Variants in TTC28 observed in about 807,000 individuals in gnomAD.
TTC28 encodes the protein tetratricopeptide repeat domain 28.
In TTC28, 61 loss-of-function variants were observed where a neutral mutation model predicts 198.0. The observed-to-expected ratio is 0.31, with a 90% confidence interval of 0.25 to 0.38. TTC28 has a LOEUF of 0.38. Among genes scored for constraint, TTC28 ranks in the 10% least tolerant of loss-of-function variants. The pLI is 1.00. For missense variants in TTC28, 2,678 were observed against 3,164.0 expected (o/e 0.85, Z 3.69); for synonymous variants, 1,171 against 1,297.8 (o/e 0.90, Z 2.10).
At chr22:28,331,035 C>T (rs1192167440) in intron 2 of TTC28, among the ~76,000 whole-genome samples, 2 of 152,140 alleles carry the variant, frequency 1.3e-5, no homozygotes, top group African/African-American at 2.4e-5. Flanking sequence ...TGCAAAATGT[C>T]ACTGAATTAT....
chr22:28,398,613 C>T (rs751092392), intron 2 of TTC28, among the ~76,000 whole-genome samples: 9 of 152,186 alleles, frequency 5.9e-5, no homozygotes, highest in Non-Finnish European at 1.2e-4. Context: ...ATATCTAGGG[C>T]TCAACCAAAT....
intron 12 of TTC28, among the ~76,000 whole-genome samples, chr22:28,072,051 A>AT (rs1284121373): frequency 6.6e-6 from 1 of 152,206 alleles, no homozygotes; most frequent in Admixed American, 6.5e-5. Flanking sequence ...CCTGATCTGG[A>AT]TTAAGTCTAC....
intron 13 of TTC28, among the ~76,000 whole-genome samples, chr22:28,018,705 T>G (rs893262016): frequency 6.6e-6 from 1 of 151,582 alleles, no homozygotes. Context: ...GGAATGGGAG[T>G]CAGGGGTCAG....
At chr22:28,146,301 G>A (rs1195835475) in intron 6 of TTC28, among the ~76,000 whole-genome samples, 1 of 152,232 alleles carries the variant, frequency 6.6e-6, no homozygotes. Flanking sequence ...CAGAGCCACA[G>A]GGGAGAACGA....
At chr22:28,165,391 T>C (rs1249392692) in intron 5 of TTC28, among the ~76,000 whole-genome samples, 1 of 151,530 alleles carries the variant, frequency 6.6e-6, no homozygotes, top group Non-Finnish European at 1.5e-5. Context: ...TTCACCAAAG[T>C]TGAAATGAAG....
chr22:28,512,178 C>T (rs189757328), intron 2 of TTC28, among the ~76,000 whole-genome samples: 5 of 151,486 alleles, frequency 3.3e-5, no homozygotes, highest in Middle Eastern at 3.4e-3. Flanking sequence ...ATGAGGCCAA[C>T]GAACATATGA....
At chr22:28,573,417 G>C (rs901556486) in intron 2 of TTC28, among the ~76,000 whole-genome samples, 1 of 151,802 alleles carries the variant, frequency 6.6e-6, no homozygotes, top group Non-Finnish European at 1.5e-5. Flanking sequence ...TCGCGCCACT[G>C]CACTCCAGCC....
intron 5 of TTC28, among the ~76,000 whole-genome samples, chr22:28,273,370 T>G (rs1340654210): frequency 6.6e-6 from 1 of 151,976 alleles, no homozygotes; most frequent in Non-Finnish European, 1.5e-5. Flanking sequence ...TATTAATATA[T>G]TCAAGGAAAA....
chr22:28,639,276 C>T (rs1039831766), intron 1 of TTC28, among the ~76,000 whole-genome samples: 6 of 152,078 alleles, frequency 3.9e-5, no homozygotes, highest in South Asian at 2.1e-4. Flanking sequence ...AGATTTTATA[C>T]GCTGATATAG....
intron 13 of TTC28, chr22:28,028,976 C>T (rs138399520): frequency 2.1e-6 from 1 of 471,050 alleles, no homozygotes; most frequent in East Asian, 7.0e-5. Context: ...GCACTCTGAG[C>T]TCTTCACACT....
intron 5 of TTC28, among the ~76,000 whole-genome samples, chr22:28,220,337 C>G (rs1293553561): frequency 6.6e-6 from 1 of 152,190 alleles, no homozygotes; most frequent in African/African-American, 2.4e-5. Context: ...TTTATTATCT[C>G]ACAGTTCTGT....
Position 28,297,845 on chromosome 22 carries a change from G to C in TTC28, c.537C>G (p.Leu179=). The C allele has an allele frequency of 6.4e-7, 1 of 1,550,964 alleles. No individual in the cohort carries two copies. Among genetic ancestry groups the C allele is most frequent in the Non-Finnish European group, 8.7e-7 (1 of 1,146,672 alleles). Residue 179 remains leucine, a synonymous_variant, in exon 4 of 23, where the codon CTC becomes CTG. Coordinates refer to ENST00000397906, the MANE Select transcript of TTC28 (RefSeq NM_001145418.2). ...AAMKSPMRDS[L]EPTYQQLQKM... ...TCTGAAGCTGCTGATAAGTGGGCTC[G>C]AGGGAGTCTGAAAATAAACAACAAT... is the stretch of plus-strand genomic sequence containing the variant.
intron 6 of TTC28, among the ~76,000 whole-genome samples, chr22:28,118,260 A>G (rs1401127326): frequency 1.3e-5 from 2 of 152,042 alleles, no homozygotes; most frequent in African/African-American, 4.8e-5. Context: ...TCAGCTGGGC[A>G]TGGTGGCATG....
intron 6 of TTC28, among the ~76,000 whole-genome samples, chr22:28,113,734 G>A (rs1345242223): frequency 2.0e-5 from 3 of 152,204 alleles, no homozygotes; most frequent in African/African-American, 7.2e-5. Flanking sequence ...GTGTGTTTAT[G>A]AAAATAGATG....
At chr22:28,140,796 CG>C (rs897454380) in intron 6 of TTC28, among the ~76,000 whole-genome samples, 5 of 152,092 alleles carry the variant, frequency 3.3e-5, no homozygotes, top group African/African-American at 7.2e-5. Flanking sequence ...TCAGAAATGA[CG>C]TTTTTTTTCC....
intron 6 of TTC28, among the ~76,000 whole-genome samples, chr22:28,134,267 A>G (rs1943141462): frequency 6.6e-6 from 1 of 152,214 alleles, no homozygotes; most frequent in African/African-American, 2.4e-5. Context: ...GAAAAAACAG[A>G]GCAGAAAAGC....
intron 10 of TTC28, among the ~76,000 whole-genome samples, chr22:28,096,907 C>T (rs900699257): frequency 2.0e-5 from 3 of 151,900 alleles, no homozygotes; most frequent in Non-Finnish European, 4.4e-5. Flanking sequence ...TGGGTTCAAG[C>T]GATTCTCCTG....
At chr22:28,260,288 T>A (rs773433145) in intron 5 of TTC28, among the ~76,000 whole-genome samples, 46 of 152,140 alleles carry the variant, frequency 3.0e-4, no homozygotes, top group Non-Finnish European at 6.3e-4. Flanking sequence ...GGGGACACAT[T>A]TTGAACTAAC....
chr22:28,183,580 T>C (rs1273557948), intron 5 of TTC28, among the ~76,000 whole-genome samples: 1 of 152,146 alleles, frequency 6.6e-6, no homozygotes, highest in Admixed American at 6.6e-5. Flanking sequence ...CTCTTTTGGC[T>C]TCCATAACTA....
Sources: gnomAD v4.1 joint callset for allele counts (sites outside exome capture counted in the v4.1 genomes callset) on GRCh38, gnomAD v4.1.1 for gene constraint, MANE v1.5 for transcripts, NCBI Gene and HGNC (gene_info 2026-07-23, HGNC 2026-07-21) for gene names.